The following FAM135B variants were observed in gnomAD, a reference collection of about 807,000 sequenced individuals.
FAM135B encodes the protein family with sequence similarity 135 member B.
A neutral mutation model predicts 127.7 loss-of-function variants in FAM135B; 43 were observed. That is an observed-to-expected ratio of 0.34 (90% CI 0.26 to 0.43). FAM135B has a LOEUF of 0.43. Ranked by LOEUF, FAM135B falls within the 20% of genes least tolerant of loss-of-function variation. The probability of loss-of-function intolerance (pLI) is 1.00; values close to 1 mark genes in which losing one functional copy is unlikely to be tolerated. For synonymous variants in FAM135B, 670 were observed against 665.1 expected, an observed-to-expected ratio of 1.01 and a Z score of -0.11; for missense variants, 1,558 against 1,725.6, an observed-to-expected ratio of 0.90 and a Z score of 1.72.
intron 1 of FAM135B, among the ~76,000 whole-genome samples, chr8:138,384,297 T>C (rs573627442): frequency 1.3e-3 from 193 of 152,360 alleles, no homozygotes; most frequent in African/African-American, 4.3e-3. Context: ...TCCCCTTTAG[T>C]CTGGGAGGCT....
intron 1 of FAM135B, among the ~76,000 whole-genome samples, chr8:138,462,770 A>T (rs976236932): frequency 2.0e-5 from 3 of 152,228 alleles, no homozygotes; most frequent in Admixed American, 6.5e-5. Flanking sequence ...TGAGGTGCAA[A>T]GAAACAAGAT....
intron 1 of FAM135B, among the ~76,000 whole-genome samples, chr8:138,448,793 A>G (rs916710183): frequency 1.2e-4 from 17 of 138,158 alleles, no homozygotes; most frequent in South Asian, 4.5e-4. Context: ...ACACAGGGGG[A>G]AAAAAAAAAA....
intron 15 of FAM135B, among the ~76,000 whole-genome samples, chr8:138,144,892 T>G (rs1323117509): frequency 6.6e-6 from 1 of 152,210 alleles, no homozygotes; most frequent in Non-Finnish European, 1.5e-5. Context: ...TTATCTTCCC[T>G]GAAAAGAAAA....
chr8:138,311,667 A>G (rs1180345825), intron 2 of FAM135B, among the ~76,000 whole-genome samples: 1 of 152,214 alleles, frequency 6.6e-6, no homozygotes, highest in East Asian at 1.9e-4. Context: ...CCAAAGTGAA[A>G]TATAAGGAAA....
intron 3 of FAM135B, among the ~76,000 whole-genome samples, chr8:138,301,071 C>T (rs1825852487): frequency 6.6e-6 from 1 of 152,046 alleles, no homozygotes; most frequent in Admixed American, 6.6e-5. Flanking sequence ...TAAATTTTGA[C>T]TTAGGAGATC....
chr8:138,330,320 TC>T (rs1409752481), intron 2 of FAM135B, among the ~76,000 whole-genome samples: 1 of 152,154 alleles, frequency 6.6e-6, no homozygotes, highest in Non-Finnish European at 1.5e-5. Flanking sequence ...CCCTGGGCTT[TC>T]TTTGTCTTTG....
chr8:138,208,858 T>C (rs953234996), intron 7 of FAM135B, among the ~76,000 whole-genome samples: 22 of 152,332 alleles, frequency 1.4e-4, no homozygotes, highest in African/African-American at 4.6e-4. Context: ...CCAAGAGATT[T>C]TGACCTATTC....
At chr8:138,372,968 C>A (rs543980438) in intron 1 of FAM135B, among the ~76,000 whole-genome samples, 1 of 152,238 alleles carries the variant, frequency 6.6e-6, no homozygotes, top group East Asian at 1.9e-4. Flanking sequence ...TTAAACCCTG[C>A]CTTGAGTTTA....
intron 7 of FAM135B, among the ~76,000 whole-genome samples, chr8:138,213,793 C>T (rs761324295): frequency 5.3e-5 from 8 of 152,100 alleles, no homozygotes; most frequent in Non-Finnish European, 8.8e-5. Context: ...CAGCAAGCTC[C>T]GCTAGGCTGG....
intron 7 of FAM135B, among the ~76,000 whole-genome samples, chr8:138,217,726 C>T (rs771216882): frequency 2.0e-5 from 3 of 152,122 alleles, no homozygotes; most frequent in Non-Finnish European, 2.9e-5. Context: ...CCACCATGCC[C>T]GGCCGATATA....
chr8:138,409,807 G>A (rs983372923), intron 1 of FAM135B, among the ~76,000 whole-genome samples: 37 of 149,980 alleles, frequency 2.5e-4, no homozygotes, highest in Non-Finnish European at 5.9e-5. Context: ...CTCAAGAGGC[G>A]GAGCTTGCAG....
chr8:138,444,543 GA>G (rs1417994782), intron 1 of FAM135B, among the ~76,000 whole-genome samples: 1 of 152,130 alleles, frequency 6.6e-6, no homozygotes, highest in African/African-American at 2.4e-5. Context: ...ACCTGCTCCT[GA>G]ATGACTACTG....
At chr8:138,447,099 A>C (rs1836213578) in intron 1 of FAM135B, among the ~76,000 whole-genome samples, 1 of 151,580 alleles carries the variant, frequency 6.6e-6, no homozygotes, top group Admixed American at 6.6e-5. Context: ...TCAAAACCAC[A>C]ATGAGATACC....
At chr8:138,495,275 C>G (rs1319770152) in intron 1 of FAM135B, among the ~76,000 whole-genome samples, 2 of 152,170 alleles carry the variant, frequency 1.3e-5, no homozygotes, top group African/African-American at 4.8e-5. Flanking sequence ...AAAGAAGCCT[C>G]AGTGAGGTGG....
intron 3 of FAM135B, among the ~76,000 whole-genome samples, chr8:138,308,040 T>C (rs1826394139): frequency 6.6e-6 from 1 of 152,172 alleles, no homozygotes; most frequent in South Asian, 2.1e-4. Flanking sequence ...AGAGTCTATT[T>C]CCGTTCCCCT....
chr8:138,438,575 A>G (rs1266567498), intron 1 of FAM135B: 5 of 152,222 alleles, frequency 3.3e-5, no homozygotes, highest in Non-Finnish European at 5.9e-5. Context: ...ATGCTTCAAT[A>G]TAAAACTGGG....
chr8:138,200,454 C>A (rs1203783637), intron 7 of FAM135B, among the ~76,000 whole-genome samples: 2 of 152,150 alleles, frequency 1.3e-5, no homozygotes, highest in East Asian at 3.9e-4. Flanking sequence ...AGGAAGGAAG[C>A]CACTGCTTAA....
At chr8:138,199,952 C>T (rs1816978566) in intron 7 of FAM135B, among the ~76,000 whole-genome samples, 1 of 152,154 alleles carries the variant, frequency 6.6e-6, no homozygotes, top group Non-Finnish European at 1.5e-5. Context: ...ACCCTATCAC[C>T]CTAGCAGGGA....
At chr8:138,351,012 C>G (rs2131117367) in intron 2 of FAM135B, among the ~76,000 whole-genome samples, 1 of 152,248 alleles carries the variant, frequency 6.6e-6, no homozygotes, top group East Asian at 1.9e-4. Flanking sequence ...TGGTCTTAGC[C>G]CTGAAAGTCT....
Sources: allele counts gnomAD v4.1 joint callset (sites outside exome capture counted in the v4.1 genomes callset), GRCh38; gene constraint gnomAD v4.1.1; transcripts MANE v1.5; gene names NCBI Gene and HGNC (gene_info 2026-07-23, HGNC 2026-07-21).